RAPGEF2: variants seen among roughly 807,000 people sequenced by gnomAD.
RAPGEF2 encodes PDZ domain containing guanine nucleotide exchange factor (GEF) 1.
In RAPGEF2, 54 loss-of-function variants were observed where a neutral mutation model predicts 186.7. That is an observed-to-expected ratio of 0.29 (90% CI 0.23 to 0.36). The LOEUF is 0.36. Among genes scored for constraint, RAPGEF2 ranks in the 10% least tolerant of loss-of-function variants. RAPGEF2 has a pLI of 1.00. For missense variants in RAPGEF2, 1,532 were observed against 2,045.0 expected (o/e 0.75, Z 4.84); for synonymous variants, 712 against 705.9 (o/e 1.01, Z -0.14).
intron 22 of RAPGEF2, among the ~76,000 whole-genome samples, chr4:159,343,727 A>G (rs1347867898): frequency 6.6e-6 from 1 of 152,214 alleles, no homozygotes; most frequent in Non-Finnish European, 1.5e-5. Context: ...AAAATATGTA[A>G]ATACCCCAAA....
chr4:159,247,015 T>C (rs1013909724), intron 7 of RAPGEF2, among the ~76,000 whole-genome samples: 1 of 152,198 alleles, frequency 6.6e-6, no homozygotes, highest in African/African-American at 2.4e-5. Flanking sequence ...TTCTTAGTTA[T>C]CTTAACATTT....
At chr4:159,230,392 C>T (rs945871312) in intron 4 of RAPGEF2, among the ~76,000 whole-genome samples, 2 of 152,172 alleles carry the variant, frequency 1.3e-5, no homozygotes, top group African/African-American at 4.8e-5. Context: ...TACAAATACA[C>T]ATATACACAC....
intron 7 of RAPGEF2, among the ~76,000 whole-genome samples, chr4:159,269,374 C>T (rs966488791): frequency 2.6e-5 from 4 of 152,052 alleles, no homozygotes; most frequent in Non-Finnish European, 4.4e-5. Flanking sequence ...GAGCCCAGCC[C>T]GTTACCATGA....
intron 5 of RAPGEF2, 168 bp from the exon 6 acceptor site, chr4:159,241,033 G>A (rs182265933): frequency 8.3e-4 from 414 of 496,636 alleles, no homozygotes; most frequent in Non-Finnish European, 6.1e-4. Context: ...CTCAAAACCA[G>A]TTAGTTCCAG....
At chr4:159,263,021 C>T (rs1377660220) in intron 7 of RAPGEF2, among the ~76,000 whole-genome samples, 1 of 152,094 alleles carries the variant, frequency 6.6e-6, no homozygotes, top group Non-Finnish European at 1.5e-5. Flanking sequence ...GTTTCTTTCA[C>T]ATTTTATTTC....
At chr4:159,238,445 T>C (rs993336783) in intron 4 of RAPGEF2, among the ~76,000 whole-genome samples, 2 of 152,224 alleles carry the variant, frequency 1.3e-5, no homozygotes, top group African/African-American at 4.8e-5. Flanking sequence ...CTTTGGGACA[T>C]TTCTATAGTT....
chr4:159,170,872 G>C (rs1479890519), intron 1 of RAPGEF2, among the ~76,000 whole-genome samples: 1 of 152,000 alleles, frequency 6.6e-6, no homozygotes, highest in Non-Finnish European at 1.5e-5. Flanking sequence ...AGTTTATTTT[G>C]TGTATGGTAT....
intron 1 of RAPGEF2, among the ~76,000 whole-genome samples, chr4:159,105,508 GGATAGAT>G (rs1737776042): frequency 6.6e-6 from 1 of 152,158 alleles, no homozygotes; most frequent in African/African-American, 2.4e-5. Context: ...GGGAGATCAT[GGATAGAT>G]TGCACATATT....
chr4:159,131,519 A>ATTGTTTTTTTTTTTTTTTT, intron 1 of RAPGEF2, among the ~76,000 whole-genome samples: 5 of 37,212 alleles, frequency 1.3e-4, no homozygotes, highest in Admixed American at 3.4e-4. Context: ...ATTAATTGCT[A>ATTGTTTTTTTTTTTTTTTT]TTTTTTTTTT....
At chr4:159,311,878 T>G (rs1763989056) in intron 8 of RAPGEF2, among the ~76,000 whole-genome samples, 1 of 152,190 alleles carries the variant, frequency 6.6e-6, no homozygotes, top group African/African-American at 2.4e-5. Flanking sequence ...TGTAGTATTT[T>G]AAGGTAAAAT....
chr4:159,181,750 T>C (rs1209513203), intron 1 of RAPGEF2, among the ~76,000 whole-genome samples: 1 of 152,114 alleles, frequency 6.6e-6, no homozygotes, highest in Non-Finnish European at 1.5e-5. Flanking sequence ...TTGGCCAGGG[T>C]GGTCTCGATC....
At chr4:159,347,091 A>G in intron 25 of RAPGEF2, 93 bp downstream of exon 25, 1 of 1,200,222 alleles carries the variant, frequency 8.3e-7, no homozygotes. Flanking sequence ...AACTTTGTCT[A>G]ATATATTTGA....
intron 8 of RAPGEF2, among the ~76,000 whole-genome samples, chr4:159,312,359 G>T (rs1010635339): frequency 6.6e-6 from 1 of 152,140 alleles, no homozygotes; most frequent in Non-Finnish European, 1.5e-5. Flanking sequence ...AGGTAAAAAT[G>T]TGATCATAGC....
chr4:159,349,454 T>C (rs552148065), intron 25 of RAPGEF2, among the ~76,000 whole-genome samples: 1 of 151,732 alleles, frequency 6.6e-6, no homozygotes, highest in East Asian at 1.9e-4. Context: ...TGTAGAATAA[T>C]TTTTCCTCCA....
In RAPGEF2 at chr4:159,353,481, A is replaced by G. The variant is rs377397317; in HGVS notation, c.4092-6A>G. 14 of 1,425,222 alleles carry G rather than the reference A, an allele frequency of 9.8e-6. No homozygotes were observed. Among genetic ancestry groups the G allele is most frequent in the Non-Finnish European group, 1.0e-5 (11 of 1,085,934 alleles). 88.3% of individuals were successfully genotyped at this position (1,425,222 alleles called of 1,614,324 possible). ...TTTTTCTTTTCCATTTCTTTTAACC[A>G]CTTAGGTCCTATGCACCAATGTCCG... is the stretch of plus-strand genomic sequence containing the variant. On this transcript the variant is annotated splice_region_variant and splice_polypyrimidine_tract_variant and intron_variant, in intron 27 of 29. Transcript: ENST00000691494. The surrounding 1 kb of genome is among the most constrained non-coding windows in gnomAD (Gnocchi z 4.3).
chr4:159,169,450 C>T (rs181140676), intron 1 of RAPGEF2, among the ~76,000 whole-genome samples: 22 of 152,182 alleles, frequency 1.4e-4, no homozygotes, highest in Admixed American at 8.5e-4. Context: ...GTGGTTAGAA[C>T]ACTTAAAATT....
intron 7 of RAPGEF2, among the ~76,000 whole-genome samples, chr4:159,273,634 CT>C (rs1561188350): frequency 1.2e-4 from 3 of 25,538 alleles, no homozygotes; most frequent in African/African-American, 2.9e-4. Flanking sequence ...CAGTTTCTTT[CT>C]TTCTTTCTTT....
At chr4:159,314,432 A>G (rs1764306764) in intron 8 of RAPGEF2, among the ~76,000 whole-genome samples, 159 bp from the exon 9 acceptor site, 1 of 152,256 alleles carries the variant, frequency 6.6e-6, no homozygotes, top group Non-Finnish European at 1.5e-5. Context: ...ATATTTTGTT[A>G]AAGTAATTGT....
Position 159,247,979 on chromosome 4 carries a change from C to T in RAPGEF2, c.543+4188C>T, listed in dbSNP as rs558537846. Among the ~76,000 whole-genome samples, 6 of 152,050 alleles carry T rather than the reference C, an allele frequency of 3.9e-5. No homozygotes were observed. In the East Asian group the frequency reaches 1.2e-3, roughly 29 times the overall value. On this transcript the variant is annotated intron_variant, in intron 7 of 29. Coordinates refer to ENST00000691494, the MANE Select transcript of RAPGEF2 (RefSeq NM_001394067.2). Reference sequence around the variant, plus strand: ...GTTTCTCCATATCCGTCAGGCTGGTCGCGAACTCCCAACCTCAATTGATCC... The same window carrying T: ...GTTTCTCCATATCCGTCAGGCTGGTTGCGAACTCCCAACCTCAATTGATCC...
Sources: gnomAD v4.1 joint callset for allele counts (sites outside exome capture counted in the v4.1 genomes callset) on GRCh38, gnomAD v4.1.1 for gene constraint, Gnocchi (gnomAD v3.1) non-coding constraint, MANE v1.5 for transcripts, NCBI Gene and HGNC (gene_info 2026-07-23, HGNC 2026-07-21) for gene names.